The following CNTNAP5 variants were observed in gnomAD, a reference collection of about 807,000 sequenced individuals.
CNTNAP5 encodes contactin-associated protein-like 5.
In CNTNAP5, 72 loss-of-function variants were observed where a neutral mutation model predicts 150.2. That is an observed-to-expected ratio of 0.48 (90% CI 0.40 to 0.58). The LOEUF (loss-of-function observed/expected upper bound fraction) is 0.58. CNTNAP5 is among the 20% of genes least tolerant of loss of function. The probability of loss-of-function intolerance (pLI) is 0.00; values close to 1 mark genes in which losing one functional copy is unlikely to be tolerated. For missense variants in CNTNAP5, 1,636 were observed against 1,626.2 expected (o/e 1.01, Z -0.10); for synonymous variants, 672 against 619.8 (o/e 1.08, Z -1.25).
intron 11 of CNTNAP5, among the ~76,000 whole-genome samples, chr2:124,591,869 C>T (rs1696691598): frequency 6.6e-6 from 1 of 152,124 alleles, no homozygotes; most frequent in South Asian, 2.1e-4. Context: ...TCTTCCTCTT[C>T]CTTTCCATTC....
intron 19 of CNTNAP5, among the ~76,000 whole-genome samples, chr2:124,809,215 G>A (rs562328214): frequency 6.6e-6 from 1 of 152,054 alleles, no homozygotes; most frequent in East Asian, 1.9e-4. Flanking sequence ...AATAACCAAG[G>A]CTACTCAGTA....
intron 13 of CNTNAP5, among the ~76,000 whole-genome samples, chr2:124,648,585 G>A (rs1285992950): frequency 2.6e-5 from 4 of 152,058 alleles, no homozygotes; most frequent in Non-Finnish European, 4.4e-5. Flanking sequence ...TTTTCCCATG[G>A]TTATTTTTTA....
chr2:124,878,679 T>A (rs1178962671), intron 21 of CNTNAP5, among the ~76,000 whole-genome samples: 2 of 151,534 alleles, frequency 1.3e-5, no homozygotes, highest in African/African-American at 4.9e-5. Context: ...TATATTTTTA[T>A]TTTTTTATTT....
At chr2:124,528,684 A>C (rs1695033725) in intron 10 of CNTNAP5, among the ~76,000 whole-genome samples, 1 of 152,264 alleles carries the variant, frequency 6.6e-6, no homozygotes, top group East Asian at 1.9e-4. Context: ...ATAAGTCCAG[A>C]GATGTGGGGC....
At chr2:124,540,186 T>C (rs1480505163) in intron 10 of CNTNAP5, among the ~76,000 whole-genome samples, 2 of 152,208 alleles carry the variant, frequency 1.3e-5, no homozygotes, top group Non-Finnish European at 2.9e-5. Flanking sequence ...TACCTGCTTT[T>C]ACCTATGCTG....
intron 13 of CNTNAP5, among the ~76,000 whole-genome samples, chr2:124,713,251 T>C (rs985720250): frequency 8.1e-5 from 9 of 111,174 alleles, no homozygotes; most frequent in African/African-American, 2.5e-4. Flanking sequence ...TTCTCTTTCT[T>C]TCTTTCTTTC....
At chr2:124,513,957 A>C (rs1178483443) in intron 8 of CNTNAP5, among the ~76,000 whole-genome samples, 1 of 152,210 alleles carries the variant, frequency 6.6e-6, no homozygotes, top group Non-Finnish European at 1.5e-5. Flanking sequence ...AAACATGACG[A>C]GGCCGCAAGC....
Position 124,835,062 on chromosome 2 carries a change from G to A in CNTNAP5, c.3218-30244G>A, listed in dbSNP as rs868542003. On this transcript the variant is annotated intron_variant, in intron 19 of 23. Transcript: ENST00000682447. The stretch of plus-strand genomic sequence containing the variant: ...AGCACATATCACAATGCTTAAAACA[G>A]GGATCATAATTAATAATGACTTTTA... Among the ~76,000 whole-genome samples the A allele has an allele frequency of 2.1e-4, 32 of 151,988 alleles. No homozygotes were observed. The Middle Eastern group carries it at 0.014, about 65-fold the overall frequency.
chr2:124,836,923 C>T (rs1682841700), intron 19 of CNTNAP5, among the ~76,000 whole-genome samples: 1 of 152,048 alleles, frequency 6.6e-6, no homozygotes, highest in Non-Finnish European at 1.5e-5. Context: ...CCTTTGATTT[C>T]TAAGACACCT....
chr2:124,372,828 T>G (rs1198252515), intron 3 of CNTNAP5, among the ~76,000 whole-genome samples: 1 of 152,064 alleles, frequency 6.6e-6, no homozygotes, highest in Non-Finnish European at 1.5e-5. Context: ...GCAACACCCA[T>G]TAACACAGGA....
chr2:124,129,712 A>C (rs1002226690), intron 1 of CNTNAP5, among the ~76,000 whole-genome samples: 2 of 152,200 alleles, frequency 1.3e-5, no homozygotes, highest in East Asian at 3.9e-4. Context: ...TAGATTGAGC[A>C]CAATAAAATT....
chr2:124,162,560 G>T (rs1450666990), intron 1 of CNTNAP5, among the ~76,000 whole-genome samples: 1 of 152,196 alleles, frequency 6.6e-6, no homozygotes, highest in South Asian at 2.1e-4. Context: ...TGGGAAAGAT[G>T]ACTTGGGGGT....
At chr2:124,436,492 G>A (rs765590757) in intron 5 of CNTNAP5, among the ~76,000 whole-genome samples, 15 of 152,170 alleles carry the variant, frequency 9.9e-5, no homozygotes, top group Non-Finnish European at 2.1e-4. Flanking sequence ...TTGTCTTGCA[G>A]AGTATGGACA....
At chr2:124,868,361 A>G (rs903969808) in intron 20 of CNTNAP5, among the ~76,000 whole-genome samples, 2 of 151,740 alleles carry the variant, frequency 1.3e-5, no homozygotes, top group Non-Finnish European at 2.9e-5. Context: ...GCCCTCTGGA[A>G]CTCTAGTTGT....
chr2:124,080,428 A>G (rs1410275329), intron 1 of CNTNAP5, among the ~76,000 whole-genome samples: 1 of 152,228 alleles, frequency 6.6e-6, no homozygotes, highest in Non-Finnish European at 1.5e-5. Context: ...GGATTATTAT[A>G]CCTTCCGGCT....
chr2:124,040,923 T>A (rs1204023898), intron 1 of CNTNAP5, among the ~76,000 whole-genome samples: 1 of 152,204 alleles, frequency 6.6e-6, no homozygotes, highest in East Asian at 1.9e-4. Context: ...TCTATGCTTT[T>A]CTATACAAAT....
At chr2:124,601,460 G>A (rs1438025957) in intron 11 of CNTNAP5, among the ~76,000 whole-genome samples, 2 of 152,092 alleles carry the variant, frequency 1.3e-5, no homozygotes, top group Non-Finnish European at 2.9e-5. Flanking sequence ...TATCAAATAC[G>A]AGAGAACATC....
intron 1 of CNTNAP5, among the ~76,000 whole-genome samples, chr2:124,055,297 T>G (rs1186975523): frequency 6.6e-6 from 1 of 152,188 alleles, no homozygotes; most frequent in Non-Finnish European, 1.5e-5. Context: ...TTCCAGAAAC[T>G]AAGACTCATT....
chr2:124,391,373 C>T (rs138375176), intron 3 of CNTNAP5, among the ~76,000 whole-genome samples: 1 of 151,992 alleles, frequency 6.6e-6, no homozygotes, highest in Non-Finnish European at 1.5e-5. Flanking sequence ...ACAATGTGAT[C>T]ACAAAAATGG....
Sources: allele counts gnomAD v4.1 joint callset (sites outside exome capture counted in the v4.1 genomes callset), GRCh38; gene constraint gnomAD v4.1.1; transcripts MANE v1.5; gene names NCBI Gene and HGNC (gene_info 2026-07-23, HGNC 2026-07-21).